The following SLX4IP variants were observed in gnomAD, a reference collection of about 807,000 sequenced individuals.
SLX4IP encodes the protein protein SLX4IP.
Under a neutral mutation model 32.9 loss-of-function variants are expected in SLX4IP, and 34 were observed. That is an observed-to-expected ratio of 1.03 (90% CI 0.79 to 1.38). The LOEUF is 1.38. SLX4IP is among the 40% of genes most tolerant of loss of function. The pLI is 0.00. For synonymous variants in SLX4IP, 172 were observed against 171.7 expected (o/e 1.00, Z -0.01); for missense variants, 444 against 479.0 (o/e 0.93, Z 0.68).
Position 10,623,579 on chromosome 20 carries a change from G to A in SLX4IP, c.*200G>A, listed in dbSNP as rs546492032. ...GAGGCTATATGCTTGTTCTAACAGC[G>A]TTGCTTCTTTATCATTGTATTTTAT... is the stretch of plus-strand genomic sequence containing the variant. On this transcript the variant is annotated 3_prime_UTR_variant, in exon 8 of 8. Transcript: ENST00000334534. 40 of 700,804 alleles carry A rather than the reference G, an allele frequency of 5.7e-5. No individual in the cohort carries two copies. The highest frequency in any genetic ancestry group is 8.3e-5 in the East Asian group (3 of 35,944). The allele number at this position is 700,804 out of a possible 1,614,324, so 43.4% of individuals were successfully genotyped here. A position where few individuals can be genotyped will look rare whatever the true frequency, so the allele number is the denominator to read the frequency against.
At chr20:10,616,740 C>G (rs1403500176) in intron 6 of SLX4IP, among the ~76,000 whole-genome samples, 1 of 152,198 alleles carries the variant, frequency 6.6e-6, no homozygotes, top group African/African-American at 2.4e-5. Context: ...TGTTACCTAC[C>G]ACAGCCTTTC....
intron 2 of SLX4IP, among the ~76,000 whole-genome samples, chr20:10,540,730 G>T (rs1336754778): frequency 6.6e-6 from 1 of 152,010 alleles, no homozygotes; most frequent in Non-Finnish European, 1.5e-5. Context: ...AAGTAGAGGT[G>T]GCTCTACACA....
At chr20:10,497,818 T>G (rs1600931580) in intron 2 of SLX4IP, among the ~76,000 whole-genome samples, 1 of 152,114 alleles carries the variant, frequency 6.6e-6, no homozygotes, top group African/African-American at 2.4e-5. Context: ...AGTAGGCTGC[T>G]GCTTCTTCCT....
chr20:10,582,212 G>A (rs1373697114), intron 4 of SLX4IP, among the ~76,000 whole-genome samples: 1 of 152,116 alleles, frequency 6.6e-6, no homozygotes, highest in African/African-American at 2.4e-5. Context: ...AGAGGTGGCA[G>A]GGTGCAGGCA....
At chr20:10,555,381 T>C (rs2066256667) in intron 2 of SLX4IP, among the ~76,000 whole-genome samples, 1 of 152,228 alleles carries the variant, frequency 6.6e-6, no homozygotes, top group African/African-American at 2.4e-5. Context: ...TGAGGATTTA[T>C]AAGGCAACAA....
chr20:10,568,323 A>G (rs955987961), intron 4 of SLX4IP, among the ~76,000 whole-genome samples: 1 of 152,230 alleles, frequency 6.6e-6, no homozygotes, highest in African/African-American at 2.4e-5. Context: ...GAATGTCAAC[A>G]GAGCAATGAG....
At chr20:10,497,621 A>G (rs2065679933) in intron 2 of SLX4IP, among the ~76,000 whole-genome samples, 2 of 151,914 alleles carry the variant, frequency 1.3e-5, no homozygotes, top group Non-Finnish European at 2.9e-5. Context: ...CTCTTTCTGT[A>G]TTATAATTTC....
chr20:10,611,761 A>T (rs1035481242), intron 6 of SLX4IP, among the ~76,000 whole-genome samples: 1 of 152,356 alleles, frequency 6.6e-6, no homozygotes, highest in East Asian at 1.9e-4. Context: ...CCATAGAGGC[A>T]TTATTATCAT....
At chr20:10,522,632 T>A (rs1274454876) in intron 2 of SLX4IP, among the ~76,000 whole-genome samples, 1 of 152,192 alleles carries the variant, frequency 6.6e-6, no homozygotes, top group African/African-American at 2.4e-5. Flanking sequence ...CTTACCCTCA[T>A]TAAAATGCCC....
intron 3 of SLX4IP, among the ~76,000 whole-genome samples, chr20:10,560,085 T>G (rs1458968082): frequency 6.6e-6 from 1 of 152,248 alleles, no homozygotes; most frequent in Non-Finnish European, 1.5e-5. Context: ...AATTACTGTT[T>G]CTGACTCCTT....
At chr20:10,618,745 C>G (rs1022876181) in intron 6 of SLX4IP, among the ~76,000 whole-genome samples, 19 of 152,200 alleles carry the variant, frequency 1.2e-4, no homozygotes, top group Non-Finnish European at 2.5e-4. Flanking sequence ...GTCCCGTAAG[C>G]CCAGAAGGCA....
At chr20:10,564,535 A>T (rs2066368791) in intron 4 of SLX4IP, among the ~76,000 whole-genome samples, 1 of 152,200 alleles carries the variant, frequency 6.6e-6, no homozygotes, top group Non-Finnish European at 1.5e-5. Context: ...CTTAATATAC[A>T]ACCCTGGATA....
intron 2 of SLX4IP, among the ~76,000 whole-genome samples, chr20:10,471,306 A>T (rs1195608684): frequency 6.6e-6 from 1 of 152,204 alleles, no homozygotes; most frequent in Non-Finnish European, 1.5e-5. Context: ...TGGGTTAGGC[A>T]CTATAGACAC....
At chr20:10,540,963 A>G (rs765010540) in intron 2 of SLX4IP, among the ~76,000 whole-genome samples, 1 of 152,178 alleles carries the variant, frequency 6.6e-6, no homozygotes, top group African/African-American at 2.4e-5. Flanking sequence ...CAGTCATGGG[A>G]TTGTTTCCTG....
At chr20:10,556,845 G>A (rs757081580) in intron 3 of SLX4IP, among the ~76,000 whole-genome samples, 1 of 152,210 alleles carries the variant, frequency 6.6e-6, no homozygotes, top group Non-Finnish European at 1.5e-5. Flanking sequence ...GCCAGTAGCC[G>A]GGGGCTTAGC....
intron 6 of SLX4IP, among the ~76,000 whole-genome samples, chr20:10,619,740 A>G (rs1333225991): frequency 1.3e-5 from 2 of 152,202 alleles, no homozygotes; most frequent in Non-Finnish European, 2.9e-5. Flanking sequence ...TACTGTACTT[A>G]TAGGGCATGT....
At chr20:10,449,815 A>G (rs1223612352) in intron 1 of SLX4IP, among the ~76,000 whole-genome samples, 7 of 152,284 alleles carry the variant, frequency 4.6e-5, no homozygotes, top group African/African-American at 1.7e-4. Flanking sequence ...AGACCATATT[A>G]TTTTATATAA....
At chr20:10,471,507 C>A (rs1253949526) in intron 2 of SLX4IP, among the ~76,000 whole-genome samples, 1 of 152,174 alleles carries the variant, frequency 6.6e-6, no homozygotes, top group African/African-American at 2.4e-5. Context: ...TGTGGAAAAG[C>A]CATAGGGCAG....
chr20:10,459,649 C>T (rs2065319347), intron 2 of SLX4IP, among the ~76,000 whole-genome samples: 1 of 152,186 alleles, frequency 6.6e-6, no homozygotes, highest in Non-Finnish European at 1.5e-5. Flanking sequence ...AAGTAATCAG[C>T]AAATTCTCTA....
Sources: gnomAD v4.1 joint callset for allele counts (sites outside exome capture counted in the v4.1 genomes callset) on GRCh38, gnomAD v4.1.1 for gene constraint, MANE v1.5 for transcripts, NCBI Gene and HGNC (gene_info 2026-07-23, HGNC 2026-07-21) for gene names.